Variants in SYT1 observed in about 807,000 individuals in gnomAD.
The protein encoded by SYT1 is synaptotagmin-1.
SYT1 carries 8 observed loss-of-function variants against 44.8 expected under a neutral mutation model. The observed-to-expected ratio is 0.18, with a 90% confidence interval of 0.10 to 0.32. SYT1 has a LOEUF of 0.32. SYT1 is among the 10% of genes least tolerant of loss of function. The pLI, the probability that SYT1 is intolerant of heterozygous loss-of-function variation, is 1.00. For missense variants in SYT1, 286 were observed against 509.3 expected, an observed-to-expected ratio of 0.56 and a Z score of 4.22; for synonymous variants, 154 against 188.8, an observed-to-expected ratio of 0.82 and a Z score of 1.51.
intron 1 of SYT1, among the ~76,000 whole-genome samples, chr12:78,939,048 G>T (rs1423261826): frequency 2.6e-5 from 4 of 152,122 alleles, no homozygotes; most frequent in Non-Finnish European, 5.9e-5. Context: ...TGACAGAGGG[G>T]TACTGTGTGC....
intron 4 of SYT1, among the ~76,000 whole-genome samples, chr12:79,218,160 TA>T (rs1156257932): frequency 1.3e-5 from 2 of 151,822 alleles, no homozygotes; most frequent in East Asian, 1.9e-4. Flanking sequence ...TTATTGTCAT[TA>T]AAAAAAACTG....
chr12:78,923,658 G>T (rs1159310719), intron 1 of SYT1, among the ~76,000 whole-genome samples: 1 of 151,614 alleles, frequency 6.6e-6, no homozygotes, highest in Non-Finnish European at 1.5e-5. Flanking sequence ...AATCTCCAAA[G>T]GTTTCTGAAC....
At chr12:79,193,611 C>T (rs1384454999) in intron 3 of SYT1, among the ~76,000 whole-genome samples, 1 of 151,974 alleles carries the variant, frequency 6.6e-6, no homozygotes, top group Non-Finnish European at 1.5e-5. Flanking sequence ...ACCAGTAATC[C>T]CAGCTATTCA....
At chr12:78,889,254 G>A (rs917821768) in intron 1 of SYT1, among the ~76,000 whole-genome samples, 1 of 151,840 alleles carries the variant, frequency 6.6e-6, no homozygotes, top group African/African-American at 2.4e-5. Flanking sequence ...ACAAAATGTG[G>A]TGTATACATT....
chr12:79,444,234 C>T (rs770807250), intron 10 of SYT1, 28 bp downstream of exon 10: 1 of 1,610,744 alleles, frequency 6.2e-7, no homozygotes, highest in African/African-American at 1.3e-5. Flanking sequence ...TTTGTCTTCC[C>T]ACTCAATTTC....
intron 1 of SYT1, among the ~76,000 whole-genome samples, chr12:78,924,246 G>A (rs1338531869): frequency 6.6e-6 from 1 of 151,868 alleles, no homozygotes; most frequent in Non-Finnish European, 1.5e-5. Flanking sequence ...ATCGGGTTAA[G>A]GTGCTGTCTA....
chr12:79,021,581 A>AC (rs1336304437), intron 2 of SYT1, among the ~76,000 whole-genome samples: 1 of 151,894 alleles, frequency 6.6e-6, no homozygotes, highest in Non-Finnish European at 1.5e-5. Flanking sequence ...AAAAATAATT[A>AC]TAAAAAAAGA....
intron 4 of SYT1, among the ~76,000 whole-genome samples, chr12:79,221,588 T>C (rs1875164683): frequency 6.6e-6 from 1 of 152,176 alleles, no homozygotes. Flanking sequence ...TTCTTCTATG[T>C]GGTTACCATG....
chr12:79,101,373 A>C (rs994285509), intron 3 of SYT1, among the ~76,000 whole-genome samples: 2 of 152,252 alleles, frequency 1.3e-5, no homozygotes, highest in African/African-American at 4.8e-5. Flanking sequence ...TAATCCAGTC[A>C]CAAAAGAACA....
chr12:79,158,127 C>T (rs893187726), intron 3 of SYT1, among the ~76,000 whole-genome samples: 6 of 152,032 alleles, frequency 3.9e-5, no homozygotes, highest in Non-Finnish European at 7.4e-5. Flanking sequence ...TACATTGTAA[C>T]ATATATACAT....
intron 1 of SYT1, among the ~76,000 whole-genome samples, chr12:78,878,161 T>C (rs972357979): frequency 5.3e-5 from 8 of 151,636 alleles, no homozygotes; most frequent in Non-Finnish European, 1.0e-4. Flanking sequence ...TGTGTGTGGA[T>C]AAACTTTCTT....
At chr12:79,429,030 A>C (rs2136173142) in intron 9 of SYT1, among the ~76,000 whole-genome samples, 1 of 152,186 alleles carries the variant, frequency 6.6e-6, no homozygotes, top group African/African-American at 2.4e-5. Flanking sequence ...CTGATAGAGC[A>C]AGAACTCACT....
At chr12:78,945,120 G>A (rs1592591301) in intron 1 of SYT1, among the ~76,000 whole-genome samples, 2 of 152,160 alleles carry the variant, frequency 1.3e-5, no homozygotes, top group Admixed American at 6.5e-5. Context: ...TTAAAAGAAT[G>A]TGTAGCCACA....
intron 3 of SYT1, among the ~76,000 whole-genome samples, chr12:79,159,613 A>G (rs1337450907): frequency 1.3e-5 from 2 of 152,122 alleles, no homozygotes; most frequent in Non-Finnish European, 2.9e-5. Context: ...AGGTATGTAT[A>G]TGTAGGAAAA....
intron 3 of SYT1, among the ~76,000 whole-genome samples, chr12:79,070,290 C>T (rs552071710): frequency 6.6e-6 from 1 of 152,228 alleles, no homozygotes; most frequent in South Asian, 2.1e-4. Context: ...TCAAGAAATT[C>T]TAACAACACT....
intron 3 of SYT1, among the ~76,000 whole-genome samples, chr12:79,114,230 G>C (rs920305182): frequency 7.2e-5 from 11 of 152,172 alleles, no homozygotes; most frequent in African/African-American, 2.7e-4. Context: ...TTGTGTGGGA[G>C]AGCACGGCTT....
At chr12:79,429,020 C>T (rs191727968) in intron 9 of SYT1, among the ~76,000 whole-genome samples, 14 of 152,162 alleles carry the variant, frequency 9.2e-5, no homozygotes, top group African/African-American at 3.4e-4. Context: ...TTCTTGGGAA[C>T]TGATAGAGCA....
At position 79,179,127 on chromosome 12, in the gene SYT1, GATATATAGATATAGATATAGAT is replaced by G. The variant is rs1565841327; in HGVS notation, c.-17-38370_-17-38349del. ...ATATATAGATATAGATATAGATATAGATATATAGATATAGATATAGATATATAGATATATAGATATAGATATA... is the reference window on the plus strand; with the variant it reads ...ATATATAGATATAGATATAGATATAGATATAGATATATAGATATAGATATA... On this transcript the variant is annotated intron_variant, in intron 3 of 10. Coordinates refer to ENST00000261205, the MANE Select transcript of SYT1 (RefSeq NM_005639.3). Among the ~76,000 whole-genome samples the G allele has an allele frequency of 9.4e-4, 78 of 83,162 alleles. 5 individuals carry two copies. The highest frequency in any genetic ancestry group is 5.2e-3 in the African/African-American group (73 of 13,986). The allele number at this position is 83,162 out of a possible 152,430, so 54.6% of individuals were successfully genotyped here. A position where few individuals can be genotyped will look rare whatever the true frequency, so the allele number is the denominator to read the frequency against.
intron 1 of SYT1, among the ~76,000 whole-genome samples, chr12:78,953,795 G>A (rs1338022053): frequency 1.3e-5 from 2 of 152,042 alleles, no homozygotes; most frequent in Non-Finnish European, 2.9e-5. Flanking sequence ...ATATGTGGGA[G>A]AGAAGAGAAA....
Sources: allele counts gnomAD v4.1 joint callset (sites outside exome capture counted in the v4.1 genomes callset), GRCh38; gene constraint gnomAD v4.1.1; transcripts MANE v1.5; gene names NCBI Gene and HGNC (gene_info 2026-07-23, HGNC 2026-07-21).